The following SMYD2 variants were observed in gnomAD, a reference collection of about 807,000 sequenced individuals.
SMYD2 encodes the protein SET and MYND domain containing 2.
SMYD2 carries 53 observed loss-of-function variants against 59.1 expected under a neutral mutation model. The observed-to-expected ratio is 0.90, with a 90% CI of 0.72 to 1.13. The LOEUF (loss-of-function observed/expected upper bound fraction) is 1.13, where lower values mean the gene tolerates loss of function less well. Ranked by LOEUF, SMYD2 falls within the 50% of genes most tolerant of loss-of-function variation. The pLI is 0.00. For synonymous variants in SMYD2, 208 were observed against 198.8 expected, an observed-to-expected ratio of 1.05 and a Z score of -0.39; for missense variants, 494 against 544.7, an observed-to-expected ratio of 0.91 and a Z score of 0.93.
chr1:214,312,290 G>A lies in SMYD2; in HGVS notation c.238-2472G>A, dbSNP rs1657010053. On this transcript the variant is annotated intron_variant, in intron 2 of 11. Transcript: ENST00000366957. The surrounding 1 kb of genome is among the most constrained non-coding windows in gnomAD (Gnocchi z 4.1). Reference sequence around the variant, plus strand: ...GGGGGATCAGTGTGGAGGGAAGCGGGTAGGGAGATATCTTCATTCCTTCAA... The same window carrying A: ...GGGGGATCAGTGTGGAGGGAAGCGGATAGGGAGATATCTTCATTCCTTCAA... Among the ~76,000 whole-genome samples the A allele has an allele frequency of 6.6e-6, 1 of 152,146 alleles. No individual in the cohort carries two copies.
At chr1:214,332,375 A>G in intron 10 of SMYD2, 183 bp downstream of exon 10, 1 of 612,350 alleles carries the variant, frequency 1.6e-6, no homozygotes, top group Non-Finnish European at 2.8e-6. Context: ...TCTCACCATC[A>G]TCCCAAGGAG....
At chr1:214,293,428 ATAATT>A (rs1261146257) in intron 1 of SMYD2, among the ~76,000 whole-genome samples, 2 of 152,196 alleles carry the variant, frequency 1.3e-5, no homozygotes, top group Admixed American at 6.5e-5. Flanking sequence ...TTATTTTACA[ATAATT>A]TAATATTTAC....
intron 1 of SMYD2, among the ~76,000 whole-genome samples, chr1:214,301,593 A>G (rs980535563): frequency 2.0e-5 from 3 of 152,162 alleles, no homozygotes; most frequent in African/African-American, 7.2e-5. Context: ...CAAGCTTAGG[A>G]TGGCAGATCT....
At chr1:214,315,432 G>C (rs1011485924) in intron 3 of SMYD2, among the ~76,000 whole-genome samples, 1 of 151,916 alleles carries the variant, frequency 6.6e-6, no homozygotes. Context: ...AAAAAAAAAA[G>C]TGAAGAAGAA....
chr1:214,295,793 C>T (rs1334068734), intron 1 of SMYD2, among the ~76,000 whole-genome samples: 1 of 152,188 alleles, frequency 6.6e-6, no homozygotes, highest in Non-Finnish European at 1.5e-5. Flanking sequence ...TTATCCTTGT[C>T]CCCTGACCAG....
chr1:214,334,690 CA>C (rs1657409202), intron 11 of SMYD2, among the ~76,000 whole-genome samples: 1 of 152,206 alleles, frequency 6.6e-6, no homozygotes, highest in Admixed American at 6.5e-5. Flanking sequence ...TAGAATTGCG[CA>C]TTTGCTGTTT....
chr1:214,327,459 G>A, intron 6 of SMYD2, 163 bp from the exon 7 acceptor site: 2 of 590,004 alleles, frequency 3.4e-6, no homozygotes, highest in East Asian at 2.9e-5. Flanking sequence ...AGGATTATCA[G>A]TGCATGCAGA....
At chr1:214,311,514 C>T (rs1656998561) in intron 2 of SMYD2, among the ~76,000 whole-genome samples, 2 of 152,160 alleles carry the variant, frequency 1.3e-5, no homozygotes, top group Admixed American at 6.6e-5. Flanking sequence ...CACACAGCTG[C>T]TTCGCTGCGA....
At chr1:214,335,172 A>T (rs1346418919) in intron 11 of SMYD2, among the ~76,000 whole-genome samples, 1 of 152,234 alleles carries the variant, frequency 6.6e-6, no homozygotes, top group Non-Finnish European at 1.5e-5. Context: ...TGCAGGCCTA[A>T]TCTTTCACCT....
chr1:214,313,906 C>T (rs1014681347), intron 2 of SMYD2, among the ~76,000 whole-genome samples: 62 of 152,256 alleles, frequency 4.1e-4, no homozygotes, highest in African/African-American at 1.3e-3. Flanking sequence ...AGGCCAGGCA[C>T]GGTGGCTCAC....
intron 3 of SMYD2, 121 bp downstream of exon 3, chr1:214,314,993 A>T (rs904786394): frequency 2.7e-6 from 2 of 735,708 alleles, no homozygotes; most frequent in African/African-American, 1.8e-5. Context: ...TACATTTCCT[A>T]TCATATCCAT....
In SMYD2 at chr1:214,332,128, T is replaced by C; in HGVS notation, c.1048T>C (p.Cys350Arg). 1 of 1,614,234 alleles carries C rather than the reference T, an allele frequency of 6.2e-7. No homozygotes were observed. Among genetic ancestry groups the C allele is most frequent in the Non-Finnish European group, 8.5e-7 (1 of 1,180,048 alleles). ...CATGATGTACCAGGCCATGGGTGTCTGCTTGTACATGCAGGACTGGGAAGG... is the reference window on the plus strand; with the variant it reads ...CATGATGTACCAGGCCATGGGTGTCCGCTTGTACATGCAGGACTGGGAAGG... ...LHMMYQAMGVCLYMQDWEGAL... is the reference protein window; with the variant it reads ...LHMMYQAMGVRLYMQDWEGAL... The change falls in exon 10 of 12, where the codon TGC becomes CGC. Residue 350 changes from cysteine (C) to arginine (R), a missense_variant. Coordinates refer to ENST00000366957, the MANE Select transcript of SMYD2 (RefSeq NM_020197.3).
At chr1:214,315,310 C>T (rs1165706057) in intron 3 of SMYD2, among the ~76,000 whole-genome samples, 1 of 152,088 alleles carries the variant, frequency 6.6e-6, no homozygotes, top group Non-Finnish European at 1.5e-5. Context: ...CCTTTCTTGC[C>T]TGTGCATAGG....
At chr1:214,335,476 T>C (rs566738260) in intron 11 of SMYD2, among the ~76,000 whole-genome samples, 20 of 152,318 alleles carry the variant, frequency 1.3e-4, no homozygotes, top group African/African-American at 4.6e-4. Flanking sequence ...AGGCTTGCAC[T>C]GTTACTTGGC....
intron 1 of SMYD2, among the ~76,000 whole-genome samples, chr1:214,299,132 C>T (rs1212752306): frequency 6.6e-6 from 1 of 152,088 alleles, no homozygotes; most frequent in Non-Finnish European, 1.5e-5. Context: ...TGCACTCCAA[C>T]CTGGGCAACA....
At chr1:214,289,292 A>G (rs1186719081) in intron 1 of SMYD2, among the ~76,000 whole-genome samples, 2 of 152,180 alleles carry the variant, frequency 1.3e-5, no homozygotes, top group Admixed American at 6.5e-5. Flanking sequence ...TTTTAGGCTT[A>G]CTGCTTTGAA....
Position 214,299,606 on chromosome 1 carries a change from C to G in SMYD2, c.174-5581C>G, listed in dbSNP as rs189097263. Among the ~76,000 whole-genome samples, 5 of 152,132 alleles carry G rather than the reference C, an allele frequency of 3.3e-5. No individual in the cohort carries two copies. In the East Asian group the frequency reaches 9.7e-4, roughly 29 times the overall value. ...AAGAGAAAACCAAATACCTCATGTT[C>G]TCACTTCTTTGTTGTTGTTGTTGAG... On this transcript the variant is annotated intron_variant, in intron 1 of 11. Coordinates refer to ENST00000366957, the MANE Select transcript of SMYD2 (RefSeq NM_020197.3).
chr1:214,292,164 G>A (rs1202241949), intron 1 of SMYD2, among the ~76,000 whole-genome samples: 3 of 151,738 alleles, frequency 2.0e-5, no homozygotes, highest in East Asian at 1.9e-4. Context: ...ATCTGAGGAC[G>A]CCCCTGATAG....
In SMYD2 at chr1:214,314,846, C is replaced by G; in HGVS notation, c.322C>G (p.Leu108Val). The change falls in exon 3 of 12, where the codon CTA becomes GTA. Residue 108 changes from leucine (L) to valine (V), a missense_variant. Leu to Val is a conservative substitution (Grantham distance 32). Coordinates refer to ENST00000366957, the MANE Select transcript of SMYD2 (RefSeq NM_020197.3). ...CTGGAATCCCTCGGAGACTGTAAGA[C>G]TAACAGCAAGGATTCTGGCCAAACA... Reference protein sequence around the residue: ...ENWNPSETVRLTARILAKQKI... With the variant: ...ENWNPSETVRVTARILAKQKI... 1 of 1,613,994 alleles carries G rather than the reference C, an allele frequency of 6.2e-7. No individual in the cohort carries two copies. Among genetic ancestry groups the G allele is most frequent in the East Asian group, 2.2e-5 (1 of 44,882 alleles).
Sources: gnomAD v4.1 joint callset for allele counts (sites outside exome capture counted in the v4.1 genomes callset) on GRCh38, gnomAD v4.1.1 for gene constraint, Gnocchi (gnomAD v3.1) non-coding constraint, MANE v1.5 for transcripts, NCBI Gene and HGNC (gene_info 2026-07-23, HGNC 2026-07-21) for gene names.